The following DOK6 variants were observed in gnomAD, a reference collection of about 807,000 sequenced individuals.
The protein encoded by DOK6 is docking protein 6, also known as downstream of tyrosine kinase 6.
Under a neutral mutation model 44.0 loss-of-function variants are expected in DOK6, and 22 were observed. That is an observed-to-expected ratio of 0.50 (90% confidence interval 0.36 to 0.71). DOK6 has a LOEUF of 0.71. Among genes scored for constraint, DOK6 ranks in the 30% least tolerant of loss-of-function variants. The pLI, the probability that DOK6 is intolerant of heterozygous loss-of-function variation, is 0.00. For synonymous variants in DOK6, 166 were observed against 145.5 expected (o/e 1.14, Z -1.01); for missense variants, 340 against 416.4 (o/e 0.82, Z 1.60).
rs138683058 is a variant in DOK6, at chr18:69,822,784, C to T, written c.857-18460C>T. On this transcript the variant is annotated intron_variant, in intron 7 of 7. Transcript: ENST00000382713. Reference sequence around the variant, plus strand: ...AACGTTCATTTTCTCACTAAATCTGCATCTGTTTACATTTTTTAAAAATAC... The same window carrying T: ...AACGTTCATTTTCTCACTAAATCTGTATCTGTTTACATTTTTTAAAAATAC... Among the ~76,000 whole-genome samples, 407 of 152,284 alleles carry T rather than the reference C, an allele frequency of 2.7e-3. 3 individuals are homozygous for T. Among genetic ancestry groups the T allele is most frequent in the Non-Finnish European group, 4.5e-3 (309 of 68,032 alleles).
intron 3 of DOK6, among the ~76,000 whole-genome samples, chr18:69,629,643 G>A (rs1324524585): frequency 6.6e-6 from 1 of 152,132 alleles, no homozygotes; most frequent in East Asian, 1.9e-4. Flanking sequence ...CAACTCAAAG[G>A]ACTGTTTTTA....
intron 5 of DOK6, among the ~76,000 whole-genome samples, chr18:69,699,112 C>A (rs1986455322): frequency 6.6e-6 from 1 of 152,132 alleles, no homozygotes; most frequent in Admixed American, 6.5e-5. Flanking sequence ...CCTTGATTCA[C>A]AATCATTATT....
intron 1 of DOK6, among the ~76,000 whole-genome samples, chr18:69,525,399 G>A (rs994757175): frequency 2.0e-5 from 3 of 151,670 alleles, no homozygotes; most frequent in African/African-American, 7.3e-5. Flanking sequence ...CATTTCTGGG[G>A]GGTTTCTATT....
At chr18:69,784,710 T>C (rs773461833) in intron 7 of DOK6, among the ~76,000 whole-genome samples, 1 of 152,130 alleles carries the variant, frequency 6.6e-6, no homozygotes, top group Non-Finnish European at 1.5e-5. Flanking sequence ...AGTTATTCCA[T>C]AGGGAGAAAA....
rs144195999 is a variant in DOK6, at chr18:69,472,637, C to T, written c.66+71327C>T. Among the ~76,000 whole-genome samples, 1,394 of 152,194 alleles carry T rather than the reference C, an allele frequency of 9.2e-3. 6 individuals are homozygous for T. The highest frequency in any genetic ancestry group is 0.014 in the Non-Finnish European group (980 of 68,002). ...CTTTTTATTTGCCTTTTTTCCCAAT[C>T]CCTCATCAGGAGAATTGAAAACACA... On this transcript the variant is annotated intron_variant, in intron 1 of 7. Coordinates refer to ENST00000382713, the MANE Select transcript of DOK6 (RefSeq NM_152721.6).
chr18:69,570,512 G>A (rs1448406239), intron 2 of DOK6, among the ~76,000 whole-genome samples: 3 of 151,678 alleles, frequency 2.0e-5, no homozygotes, highest in Admixed American at 1.3e-4. Flanking sequence ...GAATGAGAAA[G>A]AAAAAAATTT....
chr18:69,601,423 T>A (rs1983870616), intron 3 of DOK6, among the ~76,000 whole-genome samples: 1 of 152,208 alleles, frequency 6.6e-6, no homozygotes, highest in South Asian at 2.1e-4. Flanking sequence ...ATTCAGAAAC[T>A]CATATAAACA....
chr18:69,727,688 A>C (rs1599289926), intron 5 of DOK6, among the ~76,000 whole-genome samples: 1 of 152,362 alleles, frequency 6.6e-6, no homozygotes, highest in Middle Eastern at 3.4e-3. Context: ...AAGGGAGTAA[A>C]AGTTTTGCTA....
intron 1 of DOK6, among the ~76,000 whole-genome samples, chr18:69,516,910 A>G (rs1981542891): frequency 6.7e-6 from 1 of 150,158 alleles, no homozygotes; most frequent in African/African-American, 2.5e-5. Flanking sequence ...TTAAACTCCT[A>G]GTCTTAAGTG....
intron 7 of DOK6, among the ~76,000 whole-genome samples, chr18:69,769,369 C>T (rs1979820643): frequency 6.6e-6 from 1 of 152,038 alleles, no homozygotes; most frequent in Non-Finnish European, 1.5e-5. Flanking sequence ...TAGCCATTGT[C>T]TGTGGCTCTA....
intron 6 of DOK6, among the ~76,000 whole-genome samples, chr18:69,757,073 G>T (rs921732537): frequency 6.6e-6 from 1 of 152,234 alleles, no homozygotes; most frequent in Non-Finnish European, 1.5e-5. Context: ...GCCGGAGCAC[G>T]TGATATTGTG....
chr18:69,403,157 C>T (rs2122377225), intron 1 of DOK6, among the ~76,000 whole-genome samples: 2 of 152,280 alleles, frequency 1.3e-5, no homozygotes, highest in African/African-American at 4.8e-5. Context: ...AGATGTATGT[C>T]TGCGTTCACA....
chr18:69,728,366 G>A lies in DOK6; in HGVS notation c.600-10599G>A, dbSNP rs115196948. On this transcript the variant is annotated intron_variant, in intron 5 of 7. Coordinates refer to ENST00000382713, the MANE Select transcript of DOK6 (RefSeq NM_152721.6). ...ACCCAGGTCCAGATGGAACAAGGTT[G>A]CCTCTTAAATCATGTTCTAATCTCC... Among the ~76,000 whole-genome samples the A allele has an allele frequency of 5.2e-3, 796 of 152,312 alleles. 4 individuals carry two copies. Among genetic ancestry groups the A allele is most frequent in the African/African-American group, 0.017 (710 of 41,556 alleles).
At chr18:69,481,261 C>A (rs72957471) in intron 1 of DOK6, among the ~76,000 whole-genome samples, 36,108 of 151,718 alleles carry the variant, frequency 0.24, 4,611 homozygotes, top group East Asian at 0.53. Flanking sequence ...TCTAGGGTAC[C>A]TGTGCATGAT....
At chr18:69,604,167 GA>G (rs1983941961) in intron 3 of DOK6, among the ~76,000 whole-genome samples, 1 of 152,100 alleles carries the variant, frequency 6.6e-6, no homozygotes, top group African/African-American at 2.4e-5. Flanking sequence ...TACCAGTGGG[GA>G]AAAATGGCTT....
intron 1 of DOK6, among the ~76,000 whole-genome samples, chr18:69,501,574 G>A (rs1464948594): frequency 6.6e-6 from 1 of 152,046 alleles, no homozygotes; most frequent in African/African-American, 2.4e-5. Context: ...GTGGGTCAGG[G>A]GAGTGGTGTT....
intron 1 of DOK6, among the ~76,000 whole-genome samples, chr18:69,504,998 C>T (rs758494659): frequency 4.6e-5 from 7 of 152,164 alleles, no homozygotes; most frequent in Non-Finnish European, 7.4e-5. Context: ...CTTATTTTCA[C>T]GTAACGTTTA....
intron 7 of DOK6, among the ~76,000 whole-genome samples, chr18:69,809,570 ACAC>A (rs1981156668): frequency 7.0e-5 from 1 of 14,312 alleles, no homozygotes; most frequent in Non-Finnish European, 2.0e-3. Context: ...ACACAGACAC[ACAC>A]ACACACACAC....
intron 1 of DOK6, among the ~76,000 whole-genome samples, chr18:69,448,359 T>TTTTTTA (rs1343405383): frequency 6.6e-6 from 1 of 152,128 alleles, no homozygotes; most frequent in African/African-American, 2.4e-5. Context: ...AATTGATTCT[T>TTTTTTA]TTTTTATTTT....
Sources: gnomAD v4.1 joint callset for allele counts (sites outside exome capture counted in the v4.1 genomes callset) on GRCh38, gnomAD v4.1.1 for gene constraint, MANE v1.5 for transcripts, NCBI Gene and HGNC (gene_info 2026-07-23, HGNC 2026-07-21) for gene names.